The following AGBL4 variants were observed in gnomAD, a reference collection of about 807,000 sequenced individuals.
AGBL4 encodes the protein AGBL carboxypeptidase 4.
In AGBL4, 58 loss-of-function variants were observed where a neutral mutation model predicts 66.4. That is an observed-to-expected ratio of 0.87 (90% CI 0.71 to 1.09). The LOEUF (loss-of-function observed/expected upper bound fraction) is 1.09, where lower values mean the gene tolerates loss of function less well. Ranked by LOEUF, AGBL4 falls within the 50% of genes least tolerant of loss-of-function variation. The pLI is 0.00. For synonymous variants in AGBL4, 234 were observed against 222.9 expected, an observed-to-expected ratio of 1.05 and a Z score of -0.44; for missense variants, 579 against 631.0, an observed-to-expected ratio of 0.92 and a Z score of 0.88.
chr1:48,622,476 T>A (rs906688071), intron 9 of AGBL4, among the ~76,000 whole-genome samples: 2 of 16,704 alleles, frequency 1.2e-4, no homozygotes, highest in Non-Finnish European at 2.7e-4. Context: ...TTCAAATACA[T>A]TTTTTTTTTT....
intron 5 of AGBL4, among the ~76,000 whole-genome samples, chr1:48,960,190 G>T (rs762070434): frequency 2.4e-4 from 36 of 152,054 alleles, no homozygotes; most frequent in Non-Finnish European, 4.6e-4. Flanking sequence ...GATATATATT[G>T]ATCATAGAAC....
At chr1:49,956,524 T>C (rs543190985) in intron 1 of AGBL4, among the ~76,000 whole-genome samples, 80 of 152,046 alleles carry the variant, frequency 5.3e-4, no homozygotes, top group Non-Finnish European at 9.4e-4. Context: ...TGACTTACCC[T>C]TAAGAAATTT....
chr1:48,988,527 A>G (rs1660356189), intron 5 of AGBL4, among the ~76,000 whole-genome samples: 2 of 152,338 alleles, frequency 1.3e-5, no homozygotes, highest in South Asian at 4.1e-4. Context: ...AGCATGGAAG[A>G]CAAAACAACT....
intron 1 of AGBL4, among the ~76,000 whole-genome samples, chr1:49,913,828 G>C (rs1042263384): frequency 2.0e-5 from 3 of 152,172 alleles, no homozygotes; most frequent in Non-Finnish European, 4.4e-5. Flanking sequence ...GTGCCTACTT[G>C]AGCCACAACT....
intron 3 of AGBL4, among the ~76,000 whole-genome samples, chr1:49,320,703 C>T (rs1032579061): frequency 2.0e-5 from 3 of 152,108 alleles, no homozygotes; most frequent in African/African-American, 7.2e-5. Flanking sequence ...CTTTGAGGAG[C>T]GTGACTCAAA....
chr1:49,701,958 G>A (rs988008815), intron 2 of AGBL4, among the ~76,000 whole-genome samples: 3 of 151,508 alleles, frequency 2.0e-5, no homozygotes, highest in East Asian at 1.9e-4. Context: ...AATGAATAGC[G>A]GTATTTCATG....
At chr1:48,814,908 T>G (rs1042999420) in intron 6 of AGBL4, among the ~76,000 whole-genome samples, 3 of 152,198 alleles carry the variant, frequency 2.0e-5, no homozygotes, top group South Asian at 2.1e-4. Flanking sequence ...TTCCTTTGGA[T>G]AAATGCCCAG....
intron 1 of AGBL4, among the ~76,000 whole-genome samples, chr1:50,015,522 T>A (rs1244170725): frequency 6.6e-6 from 1 of 152,164 alleles, no homozygotes; most frequent in Admixed American, 6.5e-5. Flanking sequence ...CTATGCGTGG[T>A]GGCATGTGCC....
chr1:48,890,006 G>T (rs902592699), intron 5 of AGBL4, among the ~76,000 whole-genome samples: 2 of 152,064 alleles, frequency 1.3e-5, no homozygotes, highest in Non-Finnish European at 1.5e-5. Context: ...GTGTGTGTGT[G>T]TGTGTGTGTG....
At chr1:48,966,917 T>TAA (rs886494016) in intron 5 of AGBL4, among the ~76,000 whole-genome samples, 1 of 152,086 alleles carries the variant, frequency 6.6e-6, no homozygotes, top group Non-Finnish European at 1.5e-5. Flanking sequence ...ACATGGTGGG[T>TAA]AAATGGGAGG....
chr1:49,002,194 G>A (rs531939515), intron 5 of AGBL4, among the ~76,000 whole-genome samples: 1 of 152,286 alleles, frequency 6.6e-6, no homozygotes, highest in African/African-American at 2.4e-5. Flanking sequence ...GAGGCAGAGG[G>A]TCATAAACAC....
chr1:49,519,016 C>T (rs1052554895), intron 3 of AGBL4, among the ~76,000 whole-genome samples: 1 of 152,022 alleles, frequency 6.6e-6, no homozygotes, highest in Non-Finnish European at 1.5e-5. Context: ...ATTTGCTCTA[C>T]TAAAAATAAG....
At chr1:48,689,374 CACCT>C (rs527261285) in intron 6 of AGBL4, among the ~76,000 whole-genome samples, 2,685 of 150,182 alleles carry the variant, frequency 0.018, 43 homozygotes, top group African/African-American at 0.036. Flanking sequence ...GGATGACGGT[CACCT>C]ACCTACCTAC....
At chr1:49,998,069 C>T (rs1660491604) in intron 1 of AGBL4, among the ~76,000 whole-genome samples, 3 of 151,474 alleles carry the variant, frequency 2.0e-5, no homozygotes, top group South Asian at 4.2e-4. Flanking sequence ...AAACCAAACC[C>T]AGCAGAAGAA....
At chr1:49,793,485 G>T (rs1245202407) in intron 2 of AGBL4, among the ~76,000 whole-genome samples, 1 of 152,008 alleles carries the variant, frequency 6.6e-6, no homozygotes, top group African/African-American at 2.4e-5. Flanking sequence ...CATACAGACT[G>T]CTGCTCTGAA....
chr1:48,831,523 T>G (rs1484732235), intron 6 of AGBL4, among the ~76,000 whole-genome samples: 1 of 152,360 alleles, frequency 6.6e-6, no homozygotes, highest in Middle Eastern at 3.4e-3. Flanking sequence ...TTTATACTTT[T>G]TATGCACCTC....
intron 3 of AGBL4, among the ~76,000 whole-genome samples, chr1:49,301,773 A>T (rs1425577403): frequency 6.6e-6 from 1 of 152,096 alleles, no homozygotes; most frequent in Non-Finnish European, 1.5e-5. Context: ...AGACCAATTG[A>T]CGCTACCCAG....
At position 49,840,426 on chromosome 1, in the gene AGBL4, T is replaced by C. The variant is rs138742868; in HGVS notation, c.157+10970A>G. Among the ~76,000 whole-genome samples, 134 of 152,276 alleles carry C rather than the reference T, an allele frequency of 8.8e-4. 1 individual carries two copies. The highest frequency in any genetic ancestry group is 3.1e-3 in the African/African-American group (129 of 41,556). On this transcript the variant is annotated intron_variant, in intron 2 of 13. Transcript: ENST00000371839. ...TTCAAAAAATGAACCCATGGTTTCA[T>C]TGATGGTTTGTATAGATTTAATAAC...
intron 3 of AGBL4, among the ~76,000 whole-genome samples, chr1:49,417,269 T>G (rs767766114): frequency 6.6e-6 from 1 of 152,004 alleles, no homozygotes; most frequent in African/African-American, 2.4e-5. Flanking sequence ...AGCAGTTCAT[T>G]AAACTAAAGG....
Sources: allele counts gnomAD v4.1 joint callset (sites outside exome capture counted in the v4.1 genomes callset), GRCh38; gene constraint gnomAD v4.1.1; transcripts MANE v1.5; gene names NCBI Gene and HGNC (gene_info 2026-07-23, HGNC 2026-07-21).